PDLIM3: variants seen among roughly 807,000 people sequenced by gnomAD.
The protein encoded by PDLIM3 is PDZ and LIM domain protein 3.
Under a neutral mutation model 37.3 loss-of-function variants are expected in PDLIM3, and 36 were observed. That is an observed-to-expected ratio of 0.97 (90% CI 0.74 to 1.28). PDLIM3 has a LOEUF of 1.28. PDLIM3 is among the 50% of genes most tolerant of loss of function. The pLI, the probability that PDLIM3 is intolerant of heterozygous loss-of-function variation, is 0.00. For missense variants in PDLIM3, 454 were observed against 485.0 expected (o/e 0.94, Z 0.60); for synonymous variants, 174 against 182.4 (o/e 0.95, Z 0.37).
chr4:185,513,181 G>A (rs1368820023), intron 4 of PDLIM3: 2 of 985,226 alleles, frequency 2.0e-6, no homozygotes, highest in African/African-American at 3.5e-5. Flanking sequence ...CTAGGGGGGG[G>A]AAGATGTGTT....
At chr4:185,509,283 T>C (rs1288389832) in intron 4 of PDLIM3, among the ~76,000 whole-genome samples, 1 of 152,184 alleles carries the variant, frequency 6.6e-6, no homozygotes, top group East Asian at 1.9e-4. Context: ...AAAAAACCAA[T>C]AAATGCTTAT....
At chr4:185,507,479 G>A (rs2095699630) in intron 5 of PDLIM3, among the ~76,000 whole-genome samples, 1 of 151,908 alleles carries the variant, frequency 6.6e-6, no homozygotes, top group African/African-American at 2.4e-5. Flanking sequence ...TGTCATATTT[G>A]CAAATGGCTT....
chr4:185,512,933 GAC>G, intron 4 of PDLIM3: 4 of 985,394 alleles, frequency 4.1e-6, no homozygotes, highest in Non-Finnish European at 4.8e-6. Context: ...AGCAGGAGAG[GAC>G]ACAGAGCTGC....
chr4:185,508,604 GCCAGACAGT>G (rs775786599), intron 4 of PDLIM3, 42 bp from the exon 5 acceptor site: 244 of 1,609,122 alleles, frequency 1.5e-4, no homozygotes, highest in Non-Finnish European at 1.8e-4. Context: ...GGCACCGGGA[GCCAGACAGT>G]CCAGACAGAA....
chr4:185,513,854 T>G, intron 4 of PDLIM3: 1 of 1,118,536 alleles, frequency 8.9e-7, no homozygotes, highest in Non-Finnish European at 1.1e-6. Context: ...AGGAAGAGCT[T>G]GCTCCTTATC....
At chr4:185,509,435 A>G (rs1247604552) in intron 4 of PDLIM3, among the ~76,000 whole-genome samples, 3 of 152,180 alleles carry the variant, frequency 2.0e-5, no homozygotes, top group Non-Finnish European at 2.9e-5. Context: ...TTTTAAAGAT[A>G]CATTTCAGGG....
In PDLIM3 at chr4:185,514,239, C is replaced by T. The variant is rs770800561; in HGVS notation, c.398+31G>A. On this transcript the variant is annotated intron_variant, in intron 4 of 7. Coordinates refer to ENST00000284767, the MANE Select transcript of PDLIM3 (RefSeq NM_014476.6). This position sits in a 1 kb window ranked among gnomAD's most constrained non-coding sequence, Gnocchi z 4.0. ...TAAGAACTGATTTAAGAAGCATGCACTGCAAACTCCACAGTCTCAGCGCTT... is the reference window on the plus strand; with the variant it reads ...TAAGAACTGATTTAAGAAGCATGCATTGCAAACTCCACAGTCTCAGCGCTT... 12 of 1,614,092 alleles carry T rather than the reference C, an allele frequency of 7.4e-6. No individual in the cohort carries two copies. Among genetic ancestry groups the T allele is most frequent in the Non-Finnish European group, 9.3e-6 (11 of 1,180,038 alleles).
Position 185,535,338 on chromosome 4 carries a change from C to T in PDLIM3, c.93+4G>A, listed in dbSNP as rs1279105136. The T allele has an allele frequency of 6.2e-7, 1 of 1,605,724 alleles. No individual in the cohort carries two copies. Among genetic ancestry groups the T allele is most frequent in the Admixed American group, 1.7e-5 (1 of 59,390 alleles). On this transcript the variant is annotated splice_donor_region_variant and intron_variant, in intron 1 of 7. Coordinates refer to ENST00000284767, the MANE Select transcript of PDLIM3 (RefSeq NM_014476.6). ...GCAGCAAAAGCAAGAATGCCGACAC[C>T]TACCCTGGTGATGACCAAAGGCTGG...
Position 185,530,428 on chromosome 4 carries a change from T to C in PDLIM3, c.93+4914A>G, listed in dbSNP as rs1049072227. Among the ~76,000 whole-genome samples, 10 of 152,238 alleles carry C rather than the reference T, an allele frequency of 6.6e-5. No homozygotes were observed. The South Asian group carries it at 1.9e-3, about 28-fold the overall frequency. The stretch of plus-strand genomic sequence containing the variant: ...TTCTATATTGGTACTCAAGCTCATA[T>C]AGCATTCTCAGTTATAATAATCTTG... On this transcript the variant is annotated intron_variant, in intron 1 of 7. Coordinates refer to ENST00000284767, the MANE Select transcript of PDLIM3 (RefSeq NM_014476.6).
At position 185,514,058 on chromosome 4, in the gene PDLIM3, C is replaced by A; in HGVS notation, c.398+212G>T. On this transcript the variant is annotated intron_variant, in intron 4 of 7. Transcript: ENST00000284767. The surrounding 1 kb of genome is among the most constrained non-coding windows in gnomAD (Gnocchi z 4.0). ...CACGTGGTGATTGCATACAATTTCA[C>A]AGCTCTGTCATCTTGTCAATATTTA... The A allele has an allele frequency of 6.9e-7, 1 of 1,446,730 alleles. No individual in the cohort carries two copies. Among genetic ancestry groups the A allele is most frequent in the South Asian group, 1.4e-5 (1 of 70,170 alleles). 89.6% of individuals were successfully genotyped at this position (1,446,730 alleles called of 1,614,324 possible).
Position 185,535,327 on chromosome 4 carries a change from A to G in PDLIM3, c.93+15T>C. ...GTCCCCACCTCGCAGCAAAAGCAAG[A>G]ATGCCGACACCTACCCTGGTGATGA... is the stretch of plus-strand genomic sequence containing the variant. On this transcript the variant is annotated intron_variant, in intron 1 of 7. Coordinates refer to ENST00000284767, the MANE Select transcript of PDLIM3 (RefSeq NM_014476.6). The G allele has an allele frequency of 6.3e-7, 1 of 1,599,624 alleles. No homozygotes were observed. Among genetic ancestry groups the G allele is most frequent in the Non-Finnish European group, 8.5e-7 (1 of 1,172,628 alleles).
chr4:185,516,809 CT>C (rs1370344825), intron 3 of PDLIM3: 1 of 152,220 alleles, frequency 6.6e-6, no homozygotes, highest in Non-Finnish European at 1.5e-5. Flanking sequence ...TCTCACCAAC[CT>C]TGGACAGCAT....
intron 1 of PDLIM3, among the ~76,000 whole-genome samples, chr4:185,525,613 C>CA (rs2095732478): frequency 6.6e-6 from 1 of 152,120 alleles, no homozygotes; most frequent in South Asian, 2.1e-4. Flanking sequence ...ACGTAAGAGG[C>CA]ATGCAATGGA....
chr4:185,522,248 A>T lies in PDLIM3; in HGVS notation c.330+1114T>A, dbSNP rs1397882854. On this transcript the variant is annotated intron_variant, in intron 3 of 7. Coordinates refer to ENST00000284767, the MANE Select transcript of PDLIM3 (RefSeq NM_014476.6). ...AAACGCCAGGAGACTTTCGGATCCC[A>T]GCCTGGGGTGGGGGTAACGTACTGA... Among the ~76,000 whole-genome samples the T allele has an allele frequency of 3.0e-5, 2 of 66,636 alleles. 1 individual carries two copies. The highest frequency in any genetic ancestry group is 1.2e-4 in the Non-Finnish European group (2 of 16,154). The allele number at this position is 66,636 out of a possible 152,430, so 43.7% of individuals were successfully genotyped here. A position where few individuals can be genotyped will look rare whatever the true frequency, so the allele number is the denominator to read the frequency against.
intron 6 of PDLIM3, 133 bp downstream of exon 6, chr4:185,506,389 G>T: frequency 8.3e-7 from 1 of 1,208,516 alleles, no homozygotes; most frequent in Non-Finnish European, 1.2e-6. Flanking sequence ...ATCCTTCTGA[G>T]CAAAAATTCA....
At position 185,523,415 on chromosome 4, in the gene PDLIM3, A is replaced by G; in HGVS notation, c.277T>C (p.Ser93Pro). Residue 93 changes from serine (S) to proline (P), a missense_variant, in exon 3 of 8, where the codon TCT becomes CCT. Transcript: ENST00000284767. ...GETHLWSPQV[S>P]EDGKAHPFKI... ...AAAGGATGGGCTTTCCCATCTTCAGATACTTGTGGAGACCATAAGTGAGTT... is the reference window on the plus strand; with the variant it reads ...AAAGGATGGGCTTTCCCATCTTCAGGTACTTGTGGAGACCATAAGTGAGTT... 6.2e-7 allele frequency: 1 copy of G among 1,611,734 alleles called. No homozygotes were observed. The highest frequency in any genetic ancestry group is 8.5e-7 in the Non-Finnish European group (1 of 1,177,958).
At position 185,504,603 on chromosome 4, in the gene PDLIM3, T is replaced by G. The variant is rs1561189620; in HGVS notation, c.794-17A>C. 6.3e-7 allele frequency: 1 copy of G among 1,598,694 alleles called. No individual in the cohort carries two copies. The highest frequency in any genetic ancestry group is 8.6e-7 in the Non-Finnish European group (1 of 1,166,672). ...GACGGTCATCTGAAAAACAAAGCGTTTCCATTTATGGCTAGGGAACAGCTG... is the reference window on the plus strand; with the variant it reads ...GACGGTCATCTGAAAAACAAAGCGTGTCCATTTATGGCTAGGGAACAGCTG... On this transcript the variant is annotated splice_polypyrimidine_tract_variant and intron_variant, in intron 6 of 7. Coordinates refer to ENST00000284767, the MANE Select transcript of PDLIM3 (RefSeq NM_014476.6). The surrounding 1 kb of genome is among the most constrained non-coding windows in gnomAD (Gnocchi z 4.7).
At chr4:185,511,775 G>C (rs886079271) in intron 4 of PDLIM3, among the ~76,000 whole-genome samples, 2 of 152,154 alleles carry the variant, frequency 1.3e-5, no homozygotes, top group African/African-American at 4.8e-5. Context: ...GAGTGGATGT[G>C]GAATGTTCCA....
At position 185,514,324 on chromosome 4, in the gene PDLIM3, A is replaced by G; in HGVS notation, c.344T>C (p.Phe115Ser). ...LESEPQDGNY[F>S]EHKHNIRPKP... is the part of the protein sequence containing the mutation. ...GGGCCGAATATTATGCTTGTGTTCA[A>G]AGTAGTTCCCGTCCTGTGAAAACAA... The change falls in exon 4 of 8, where the codon TTT (phenylalanine) becomes TCT (serine). Residue 115 changes from phenylalanine to serine, a missense_variant. Transcript: ENST00000284767. This position sits in a 1 kb window ranked among gnomAD's most constrained non-coding sequence, Gnocchi z 4.0. 6.2e-7 allele frequency: 1 copy of G among 1,614,202 alleles called. No homozygotes were observed. The highest frequency in any genetic ancestry group is 8.5e-7 in the Non-Finnish European group (1 of 1,180,032).
Sources: gnomAD v4.1 joint callset for allele counts (sites outside exome capture counted in the v4.1 genomes callset) on GRCh38, gnomAD v4.1.1 for gene constraint, Gnocchi (gnomAD v3.1) non-coding constraint, MANE v1.5 for transcripts, NCBI Gene and HGNC (gene_info 2026-07-23, HGNC 2026-07-21) for gene names.